Variants in ZMYND11 observed in about 807,000 individuals in gnomAD.
ZMYND11 encodes the protein zinc finger MYND domain-containing protein 11.
ZMYND11 carries 9 observed loss-of-function variants against 84.9 expected under a neutral mutation model. The observed-to-expected ratio is 0.11, with a 90% CI of 0.06 to 0.18. The LOEUF (loss-of-function observed/expected upper bound fraction) is 0.18, where lower values mean the gene tolerates loss of function less well. Among genes scored for constraint, ZMYND11 ranks in the 10% least tolerant of loss-of-function variants. The pLI is 1.00. For synonymous variants in ZMYND11, 250 were observed against 244.1 expected, an observed-to-expected ratio of 1.02 and a Z score of -0.23; for missense variants, 409 against 761.0, an observed-to-expected ratio of 0.54 and a Z score of 5.44.
At chr10:247,206 T>G (rs1455777122) in intron 11 of ZMYND11, among the ~76,000 whole-genome samples, 192 bp from the exon 12 acceptor site, 1 of 152,226 alleles carries the variant, frequency 6.6e-6, no homozygotes, top group Admixed American at 6.5e-5. Context: ...TGCTCCTCTC[T>G]GAAGGTGCGC....
At chr10:147,110 G>A (rs1564264137) in intron 1 of ZMYND11, among the ~76,000 whole-genome samples, 1 of 152,232 alleles carries the variant, frequency 6.6e-6, no homozygotes, top group African/African-American at 2.4e-5. Flanking sequence ...TGTAGCATGA[G>A]ACTTTACTGA....
At chr10:139,245 G>A (rs1432821517) in intron 1 of ZMYND11, among the ~76,000 whole-genome samples, 1 of 151,792 alleles carries the variant, frequency 6.6e-6, no homozygotes, top group Admixed American at 6.6e-5. Context: ...TTCATATCTG[G>A]CACTCTGTCC....
rs1489677549 is a variant in ZMYND11 at position 239,928 on chromosome 10, AT to A, written c.698-124del. 2.7e-5 allele frequency: 19 copies of A among 698,642 alleles called. No individual in the cohort carries two copies. The East Asian group carries it at 5.3e-4, about 19-fold the overall frequency. 43.3% of individuals were successfully genotyped at this position (698,642 alleles called of 1,614,324 possible). The stretch of plus-strand genomic sequence containing the variant: ...TGTGTAATTTTATTTTGCTATCGTT[AT>A]TTTAAATGGACATTTTGGTTTGAAA... On this transcript the variant is annotated intron_variant, in intron 7 of 14. Transcript: ENST00000381604.
intron 2 of ZMYND11, among the ~76,000 whole-genome samples, chr10:189,885 A>AAT (rs1295910311): frequency 6.6e-6 from 1 of 152,150 alleles, no homozygotes; most frequent in Non-Finnish European, 1.5e-5. Context: ...TGCCTTGTGA[A>AAT]GGGTACAGAA....
chr10:145,167 T>A (rs11250419), intron 1 of ZMYND11, among the ~76,000 whole-genome samples: 37,800 of 150,554 alleles, frequency 0.25, 5,916 homozygotes, highest in Non-Finnish European at 0.35. Context: ...TGTGTGTGTA[T>A]ATATATGTGT....
chr10:234,866 C>A (rs576651532), intron 4 of ZMYND11, among the ~76,000 whole-genome samples: 3 of 152,148 alleles, frequency 2.0e-5, no homozygotes, highest in Non-Finnish European at 4.4e-5. Context: ...ATTGATTGTG[C>A]TTCAGATCCA....
At chr10:240,799 T>A in intron 8 of ZMYND11, 94 bp from the exon 9 acceptor site, 1 of 956,746 alleles carries the variant, frequency 1.0e-6, no homozygotes, top group South Asian at 1.6e-5. Flanking sequence ...ACACTATTTA[T>A]ATACGTGAAT....
chr10:215,757 T>C (rs1946111941), intron 3 of ZMYND11, among the ~76,000 whole-genome samples: 2 of 151,874 alleles, frequency 1.3e-5, no homozygotes, highest in Non-Finnish European at 2.9e-5. Context: ...AGGGTCTTGC[T>C]ATGTTGCCTA....
At chr10:239,286 GCTT>G (rs1950500564) in intron 6 of ZMYND11, 149 bp from the exon 7 acceptor site, 6 of 605,252 alleles carry the variant, frequency 9.9e-6, no homozygotes, top group Non-Finnish European at 1.7e-5. Flanking sequence ...GGCGTTGTTG[GCTT>G]CTTTTACACA....
chr10:145,958 C>T (rs1838728189), intron 1 of ZMYND11, among the ~76,000 whole-genome samples: 1 of 152,040 alleles, frequency 6.6e-6, no homozygotes, highest in Non-Finnish European at 1.5e-5. Context: ...TTTGTCTAGA[C>T]CATTGTCCAG....
chr10:144,867 C>G (rs1838370209), intron 1 of ZMYND11, among the ~76,000 whole-genome samples: 1 of 150,026 alleles, frequency 6.7e-6, no homozygotes, highest in African/African-American at 2.4e-5. Flanking sequence ...GTACATTGTA[C>G]CCAATATTTT....
chr10:217,027 A>G (rs1946293621), intron 3 of ZMYND11, among the ~76,000 whole-genome samples: 1 of 152,220 alleles, frequency 6.6e-6, no homozygotes, highest in African/African-American at 2.4e-5. Flanking sequence ...TCAAACACAC[A>G]TACTTGGTTG....
chr10:237,571 TA>T lies in ZMYND11; in HGVS notation c.517-12del. On this transcript the variant is annotated splice_polypyrimidine_tract_variant and intron_variant, in intron 5 of 14. Transcript: ENST00000381604. ...TTTAACCACATTTAAATTGATGTAC[TA>T]ACACCCTCTTAGGCTATAGATCTTA... 6.4e-7 allele frequency: 1 copy of T among 1,559,296 alleles called. No homozygotes were observed. Among genetic ancestry groups the T allele is most frequent in the Non-Finnish European group, 8.8e-7 (1 of 1,139,804 alleles).
chr10:179,849 G>A (rs760731641), intron 1 of ZMYND11, 145 bp from the exon 2 acceptor site: 13 of 488,358 alleles, frequency 2.7e-5, no homozygotes, highest in Non-Finnish European at 4.7e-5. Flanking sequence ...CTGGTGATGT[G>A]GATGGTAGAA....
chr10:130,583 A>C (rs544473294), upstream of ZMYND11, among the ~76,000 whole-genome samples: 1 of 152,248 alleles, frequency 6.6e-6, no homozygotes, highest in Non-Finnish European at 1.5e-5. Context: ...ATGAAATCGT[A>C]TATTATTCCC....
At chr10:148,818 C>G (rs891511877) in intron 1 of ZMYND11, 4 of 152,238 alleles carry the variant, frequency 2.6e-5, no homozygotes. Context: ...TGATTTTCCA[C>G]TGCTGTCAGT....
At chr10:242,166 T>C in intron 10 of ZMYND11, 27 bp downstream of exon 10, 1 of 1,613,604 alleles carries the variant, frequency 6.2e-7, no homozygotes, top group South Asian at 1.1e-5. Context: ...TGTTCAGCGG[T>C]CACAGCTGTG....
intron 3 of ZMYND11, among the ~76,000 whole-genome samples, chr10:210,383 T>C: frequency 6.6e-6 from 1 of 152,326 alleles, no homozygotes; most frequent in East Asian, 1.9e-4. Flanking sequence ...CAGATAATGT[T>C]GATGCCATCT....
intron 1 of ZMYND11, among the ~76,000 whole-genome samples, chr10:136,240 G>C (rs558194306): frequency 4.6e-5 from 7 of 152,222 alleles, no homozygotes; most frequent in Admixed American, 3.9e-4. Context: ...GCTGGGACGA[G>C]GGGGGGCGCC....
Sources: gnomAD v4.1 joint callset for allele counts (sites outside exome capture counted in the v4.1 genomes callset) on GRCh38, gnomAD v4.1.1 for gene constraint, MANE v1.5 for transcripts, NCBI Gene and HGNC (gene_info 2026-07-23, HGNC 2026-07-21) for gene names.